ELMO1: variants seen among roughly 807,000 people sequenced by gnomAD.
ELMO1 encodes the protein engulfment and cell motility protein 1.
In ELMO1, 26 loss-of-function variants were observed where a neutral mutation model predicts 98.9. The observed-to-expected ratio is 0.26, with a 90% CI of 0.19 to 0.36. The LOEUF is 0.36. ELMO1 is among the 10% of genes least tolerant of loss of function. ELMO1 has a pLI of 1.00. For missense variants in ELMO1, 627 were observed against 935.2 expected (o/e 0.67, Z 4.30); for synonymous variants, 346 against 346.0 (o/e 1.00, Z 0.00).
In ELMO1 at chr7:36,870,551, C is replaced by T; in HGVS notation, c.1823-76G>A. 2 of 1,407,052 alleles carry T rather than the reference C, an allele frequency of 1.4e-6. No individual in the cohort carries two copies. Among genetic ancestry groups the T allele is most frequent in the Non-Finnish European group, 2.0e-6 (2 of 1,013,874 alleles). 87.2% of individuals were successfully genotyped at this position (1,407,052 alleles called of 1,614,324 possible). On this transcript the variant is annotated intron_variant, in intron 19 of 21. Coordinates refer to ENST00000310758, the MANE Select transcript of ELMO1 (RefSeq NM_014800.11). The surrounding 1 kb of genome is among the most constrained non-coding windows in gnomAD (Gnocchi z 4.4). ...ATGTCAATAAAGAAACAGGACTAAG[C>T]ACTGGGTCCGCTACTGTGGTTACCA...
chr7:36,943,679 C>A (rs557993002), intron 16 of ELMO1, among the ~76,000 whole-genome samples: 1 of 152,326 alleles, frequency 6.6e-6, no homozygotes, highest in East Asian at 1.9e-4. Context: ...CTAAATAGTT[C>A]ATTCACTCCT....
At chr7:37,298,477 C>A (rs570230567) in intron 4 of ELMO1, among the ~76,000 whole-genome samples, 4 of 147,204 alleles carry the variant, frequency 2.7e-5, no homozygotes, top group Non-Finnish European at 1.5e-5. Flanking sequence ...CCACAGTCCC[C>A]AGAGTGTGAT....
chr7:37,184,330 T>C (rs1791064956), intron 13 of ELMO1, among the ~76,000 whole-genome samples: 1 of 152,182 alleles, frequency 6.6e-6, no homozygotes, highest in Non-Finnish European at 1.5e-5. Context: ...CATAGCTAGG[T>C]TGCTTTGAGT....
At chr7:37,415,723 T>C (rs905702688) in intron 1 of ELMO1, among the ~76,000 whole-genome samples, 9 of 152,212 alleles carry the variant, frequency 5.9e-5, no homozygotes, top group Non-Finnish European at 1.3e-4. Context: ...TTCCCAAAGA[T>C]ATATCAGGGC....
At chr7:37,212,087 G>A (rs1438918618) in intron 12 of ELMO1, among the ~76,000 whole-genome samples, 1 of 152,212 alleles carries the variant, frequency 6.6e-6, no homozygotes, top group Non-Finnish European at 1.5e-5. Context: ...CAATCTGGAT[G>A]AGCTTTGAAG....
intron 6 of ELMO1, among the ~76,000 whole-genome samples, chr7:37,246,773 C>CAGATAGATAGATAGAT (rs543282035): frequency 7.3e-5 from 11 of 151,640 alleles, no homozygotes; most frequent in African/African-American, 2.7e-4. Flanking sequence ...GATGGAGAGA[C>CAGATAGATAGATAGAT]AGATAGATAG....
intron 1 of ELMO1, among the ~76,000 whole-genome samples, chr7:37,399,384 C>T (rs1482468787): frequency 1.3e-5 from 2 of 152,156 alleles, no homozygotes; most frequent in African/African-American, 2.4e-5. Flanking sequence ...GAAGGGACCA[C>T]CAATTTTGCA....
At chr7:37,389,336 C>A (rs866568076) in intron 1 of ELMO1, among the ~76,000 whole-genome samples, 1 of 152,202 alleles carries the variant, frequency 6.6e-6, no homozygotes, top group South Asian at 2.1e-4. Context: ...AAAACAGCCA[C>A]ATAAAACCTT....
At chr7:37,104,911 T>C (rs1584650750) in intron 14 of ELMO1, among the ~76,000 whole-genome samples, 1 of 146,836 alleles carries the variant, frequency 6.8e-6, no homozygotes, top group Admixed American at 6.7e-5. Context: ...TCTGGACAAA[T>C]GAGAGGAATG....
intron 13 of ELMO1, among the ~76,000 whole-genome samples, chr7:37,156,208 C>A (rs888963561): frequency 3.3e-5 from 5 of 152,030 alleles, no homozygotes; most frequent in African/African-American, 1.2e-4. Flanking sequence ...ACTAAATGCC[C>A]ACAAGAGAAA....
At chr7:37,250,810 A>AC (rs1795305719) in intron 6 of ELMO1, among the ~76,000 whole-genome samples, 1 of 151,890 alleles carries the variant, frequency 6.6e-6, no homozygotes, top group South Asian at 2.1e-4. Context: ...AAAAAAAAAA[A>AC]ACCAGAAACT....
At chr7:36,943,164 C>T (rs907409528) in intron 16 of ELMO1, among the ~76,000 whole-genome samples, 6 of 152,168 alleles carry the variant, frequency 3.9e-5, no homozygotes, top group Admixed American at 6.5e-5. Flanking sequence ...GCCACTGCAG[C>T]GGGTCGAGGT....
In ELMO1 at chr7:37,259,226, A is replaced by C. The variant is rs147496204; in HGVS notation, c.368T>G (p.Leu123Arg). ...DVTFAQEFIN[L>R]DGISLLTQMV... ...CTGCGTGAGGAGAGAGATACCGTCC[A>C]GGTTTATAAACTCCTGGGCAAACGT... The change falls in exon 6 of 22, where the codon CTG becomes CGG. Residue 123 changes from leucine to arginine, a missense_variant. Leu to Arg is a moderately radical substitution (Grantham distance 102). This residue lies in a region of ELMO1 where 123 missense variants were observed against 171.2 expected (regional missense o/e 0.72). Transcript: ENST00000310758. The C allele has an allele frequency of 6.2e-6, 10 of 1,614,020 alleles. No individual in the cohort carries two copies. Among genetic ancestry groups the C allele is most frequent in the Non-Finnish European group, 7.6e-6 (9 of 1,180,004 alleles).
intron 21 of ELMO1, among the ~76,000 whole-genome samples, chr7:36,857,279 T>G (rs1260424565): frequency 6.6e-6 from 1 of 152,200 alleles, no homozygotes; most frequent in Admixed American, 6.5e-5. Flanking sequence ...AACCATCAAT[T>G]TCTTCATAAA....
At chr7:37,431,317 A>G (rs533435306) in intron 1 of ELMO1, among the ~76,000 whole-genome samples, 1 of 150,286 alleles carries the variant, frequency 6.7e-6, no homozygotes, top group Admixed American at 6.7e-5. Flanking sequence ...AGCCTGGGTG[A>G]CAGAGCAAGA....
At chr7:36,915,317 C>T (rs563107347) in intron 16 of ELMO1, among the ~76,000 whole-genome samples, 3 of 152,294 alleles carry the variant, frequency 2.0e-5, no homozygotes, top group African/African-American at 7.2e-5. Flanking sequence ...TTCTGTCTTG[C>T]TCAGAACACT....
chr7:37,426,453 T>C (rs561291202), intron 1 of ELMO1, among the ~76,000 whole-genome samples: 11 of 152,234 alleles, frequency 7.2e-5, no homozygotes, highest in East Asian at 3.9e-4. Flanking sequence ...CACACCCATC[T>C]TGTATTTGCT....
At chr7:37,196,874 G>C (rs551018243) in intron 13 of ELMO1, among the ~76,000 whole-genome samples, 42 of 152,246 alleles carry the variant, frequency 2.8e-4, no homozygotes, top group African/African-American at 1.0e-3. Flanking sequence ...CTGCATATGG[G>C]AACTTTCTGG....
chr7:36,974,031 T>C (rs748331078), intron 16 of ELMO1, among the ~76,000 whole-genome samples: 3 of 152,216 alleles, frequency 2.0e-5, no homozygotes, highest in East Asian at 1.9e-4. Context: ...CCCCACTCCG[T>C]GGGCTCCTGT....
Sources: gnomAD v4.1 joint callset for allele counts (sites outside exome capture counted in the v4.1 genomes callset) on GRCh38, gnomAD v4.1.1 for gene constraint, gnomAD v4.1.1 regional missense constraint, Gnocchi (gnomAD v3.1) non-coding constraint, MANE v1.5 for transcripts, NCBI Gene and HGNC (gene_info 2026-07-23, HGNC 2026-07-21) for gene names.